Variants in CSNK2A2IP observed in about 807,000 individuals in gnomAD.
CSNK2A2IP encodes the protein casein kinase II subunit alpha'-interacting protein.
chr3:88,383,957 C>T, the CSNK2A2IP span, among the ~76,000 whole-genome samples: 71 of 152,212 alleles, frequency 4.7e-4, no homozygotes, highest in Admixed American at 9.8e-4. Flanking sequence ...GCCACTGCGC[C>T]GGGCTTCTTC....
the CSNK2A2IP span, among the ~76,000 whole-genome samples, chr3:88,376,058 C>T: frequency 6.6e-6 from 1 of 151,804 alleles, no homozygotes; most frequent in African/African-American, 2.4e-5. Flanking sequence ...AAAATCTATT[C>T]TTTTCATCTT....
the CSNK2A2IP span, among the ~76,000 whole-genome samples, chr3:88,339,189 A>G: frequency 6.6e-6 from 1 of 151,958 alleles, no homozygotes; most frequent in East Asian, 1.9e-4. Context: ...CCCATTAACA[A>G]TCCTCACTTT....
At chr3:88,394,767 TTGTC>T in the CSNK2A2IP span, among the ~76,000 whole-genome samples, 1 of 152,214 alleles carries the variant, frequency 6.6e-6, no homozygotes, top group Non-Finnish European at 1.5e-5. Flanking sequence ...TTTAAGTCCT[TTGTC>T]TGGAGTGTTG....
chr3:88,456,896 T>C, the CSNK2A2IP span, among the ~76,000 whole-genome samples: 2 of 152,178 alleles, frequency 1.3e-5, no homozygotes, highest in African/African-American at 4.8e-5. Flanking sequence ...ATTGTTGGTC[T>C]TTCAGCTTTT....
the CSNK2A2IP span, among the ~76,000 whole-genome samples, chr3:88,349,098 T>C: frequency 6.6e-6 from 1 of 152,076 alleles, no homozygotes; most frequent in African/African-American, 2.4e-5. Flanking sequence ...CTTTTTGCAG[T>C]TCATTGCCAA....
the CSNK2A2IP span, among the ~76,000 whole-genome samples, chr3:88,450,229 AG>A: frequency 3.9e-5 from 6 of 152,128 alleles, no homozygotes; most frequent in Non-Finnish European, 7.4e-5. Context: ...ATGATGTTAT[AG>A]GAAACATATA....
the CSNK2A2IP span, among the ~76,000 whole-genome samples, chr3:88,369,599 C>T: frequency 6.6e-6 from 1 of 151,784 alleles, no homozygotes; most frequent in South Asian, 2.1e-4. Context: ...AGGAGCACCA[C>T]CAAAGAGCTG....
chr3:88,413,178 C>A, the CSNK2A2IP span, among the ~76,000 whole-genome samples: 2 of 151,916 alleles, frequency 1.3e-5, no homozygotes, highest in Non-Finnish European at 2.9e-5. Context: ...GGGAAATATG[C>A]CTACTCACCT....
the CSNK2A2IP span, among the ~76,000 whole-genome samples, chr3:88,356,408 T>C: frequency 3.3e-5 from 5 of 152,178 alleles, no homozygotes; most frequent in East Asian, 1.9e-4. Flanking sequence ...GTTCCATCCA[T>C]GTTGCTGCAA....
At chr3:88,368,970 G>T in the CSNK2A2IP span, among the ~76,000 whole-genome samples, 1 of 151,908 alleles carries the variant, frequency 6.6e-6, no homozygotes, top group African/African-American at 2.4e-5. Context: ...ATAATCACTG[G>T]TGGGGGAAAG....
chr3:88,352,815 C>T, the CSNK2A2IP span, among the ~76,000 whole-genome samples: 1 of 152,094 alleles, frequency 6.6e-6, no homozygotes. Context: ...GTTTCATAGG[C>T]ATTTACAGGG....
chr3:88,400,197 C>A, the CSNK2A2IP span, among the ~76,000 whole-genome samples: 1 of 152,080 alleles, frequency 6.6e-6, no homozygotes, highest in African/African-American at 2.4e-5. Context: ...CTGAGCCAGG[C>A]AGAGAAGGGC....
At chr3:88,465,747 G>A in the CSNK2A2IP span, 784 of 1,231,648 alleles carry the variant, frequency 6.4e-4, 3 homozygotes, top group African/African-American at 0.011. Context: ...CTCAAACAAC[G>A]TCTTCATCTG....
chr3:88,436,284 G>C, the CSNK2A2IP span, among the ~76,000 whole-genome samples: 29,397 of 151,950 alleles, frequency 0.19, 3,057 homozygotes, highest in African/African-American at 0.24. Flanking sequence ...GCACTGTAAT[G>C]CTGAATTAAG....
At chr3:88,391,527 G>C in the CSNK2A2IP span, among the ~76,000 whole-genome samples, 1 of 152,142 alleles carries the variant, frequency 6.6e-6, no homozygotes, top group Non-Finnish European at 1.5e-5. Context: ...GCAAATCTAA[G>C]CTGCAATAGT....
At chr3:88,345,802 C>T in the CSNK2A2IP span, among the ~76,000 whole-genome samples, 3,873 of 151,928 alleles carry the variant, frequency 0.025, 103 homozygotes, top group East Asian at 0.074. Flanking sequence ...ACAATGACCT[C>T]TAAAGTGTTC....
At chr3:88,429,846 G>A in the CSNK2A2IP span, among the ~76,000 whole-genome samples, 34 of 152,112 alleles carry the variant, frequency 2.2e-4, no homozygotes, top group African/African-American at 6.3e-4. Flanking sequence ...TCCGCCTCCC[G>A]GGTTCACGCC....
the CSNK2A2IP span, among the ~76,000 whole-genome samples, chr3:88,446,558 G>T: frequency 2.6e-3 from 391 of 152,284 alleles, 2 homozygotes; most frequent in African/African-American, 9.0e-3. Flanking sequence ...CTGCCACAGT[G>T]AATGCTTTTC....
chr3:88,374,637 T>A, the CSNK2A2IP span, among the ~76,000 whole-genome samples: 1 of 151,700 alleles, frequency 6.6e-6, no homozygotes, highest in Non-Finnish European at 1.5e-5. Context: ...ATTGAAATTT[T>A]TGAAACCCAG....
Sources: gnomAD v4.1 joint callset for allele counts (sites outside exome capture counted in the v4.1 genomes callset) on GRCh38, gnomAD v4.1.1 for gene constraint, MANE v1.5 for transcripts, NCBI Gene and HGNC (gene_info 2026-07-23, HGNC 2026-07-21) for gene names.